SGCZ: variants seen among roughly 807,000 people sequenced by gnomAD.
SGCZ encodes sarcoglycan zeta.
SGCZ carries 40 observed loss-of-function variants against 41.3 expected under a neutral mutation model. That is an observed-to-expected ratio of 0.97 (90% CI 0.75 to 1.26). The LOEUF (loss-of-function observed/expected upper bound fraction) is 1.26, where lower values mean the gene tolerates loss of function less well. Among genes scored for constraint, SGCZ ranks in the 50% most tolerant of loss-of-function variants. The pLI, the probability that SGCZ is intolerant of heterozygous loss-of-function variation, is 0.00. For synonymous variants in SGCZ, 206 were observed against 137.5 expected (o/e 1.50, Z -3.49); for missense variants, 552 against 369.8 (o/e 1.49, Z -4.04).
At chr8:14,757,744 G>A (rs1799724976) in intron 1 of SGCZ, among the ~76,000 whole-genome samples, 1 of 152,108 alleles carries the variant, frequency 6.6e-6, no homozygotes, top group South Asian at 2.1e-4. Context: ...ATATTACTTT[G>A]TTAATAAACC....
chr8:14,572,494 C>A (rs997868068), intron 1 of SGCZ, among the ~76,000 whole-genome samples: 1 of 143,302 alleles, frequency 7.0e-6, no homozygotes, highest in Middle Eastern at 3.8e-3. Context: ...CCTCACCGAA[C>A]CCAGAGAGGG....
rs561269633 is a variant in SGCZ at position 14,588,193 on chromosome 8, C to T, written c.40-33267G>A. Reference sequence around the variant, plus strand: ...ATTTTTCAGGAATAGCCATTGATTACCCAGAAGAAAAAAAAAAAAACTGCC... The same window carrying T: ...ATTTTTCAGGAATAGCCATTGATTATCCAGAAGAAAAAAAAAAAAACTGCC... On this transcript the variant is annotated intron_variant, in intron 1 of 7. Transcript: ENST00000382080. Among the ~76,000 whole-genome samples the T allele has an allele frequency of 2.8e-4, 13 of 47,002 alleles. No individual in the cohort carries two copies. The East Asian group carries it at 6.9e-3, about 25-fold the overall frequency. 30.8% of individuals were successfully genotyped at this position (47,002 alleles called of 152,430 possible).
intron 2 of SGCZ, among the ~76,000 whole-genome samples, chr8:14,424,503 A>C (rs1470467603): frequency 6.6e-6 from 1 of 152,214 alleles, no homozygotes; most frequent in Non-Finnish European, 1.5e-5. Flanking sequence ...AGTATATTGC[A>C]AAATATACAC....
intron 5 of SGCZ, among the ~76,000 whole-genome samples, chr8:14,151,142 T>C (rs1803696496): frequency 6.6e-6 from 1 of 152,028 alleles, no homozygotes; most frequent in Admixed American, 6.6e-5. Flanking sequence ...CAATAATAAC[T>C]TAATTGCACA....
chr8:14,385,099 T>C (rs1279305482), intron 2 of SGCZ, among the ~76,000 whole-genome samples: 5 of 152,156 alleles, frequency 3.3e-5, no homozygotes, highest in Non-Finnish European at 4.4e-5. Flanking sequence ...CAACTGTGTG[T>C]AGGAATTGGG....
At chr8:14,608,856 CA>C (rs199574451) in intron 1 of SGCZ, among the ~76,000 whole-genome samples, 4 of 151,304 alleles carry the variant, frequency 2.6e-5, no homozygotes, top group African/African-American at 4.8e-5. Context: ...AAAAAAATGA[CA>C]AAAAAAAGGT....
At chr8:14,879,759 T>TA (rs1024399311) in intron 1 of SGCZ, 1 of 152,018 alleles carries the variant, frequency 6.6e-6, no homozygotes, top group African/African-American at 2.4e-5. Flanking sequence ...AGCCACCAGT[T>TA]AGATTCTCAC....
intron 1 of SGCZ, among the ~76,000 whole-genome samples, chr8:14,957,540 A>G (rs1031884624): frequency 1.3e-5 from 2 of 152,048 alleles, no homozygotes; most frequent in Non-Finnish European, 2.9e-5. Context: ...GAATTTTACA[A>G]ATCATTCACA....
At chr8:14,440,581 C>A (rs968092832) in intron 2 of SGCZ, among the ~76,000 whole-genome samples, 3 of 151,792 alleles carry the variant, frequency 2.0e-5, no homozygotes. Context: ...TCATAAGTCA[C>A]CTATGTGTAA....
At chr8:15,185,898 G>C (rs779387240) in intron 1 of SGCZ, among the ~76,000 whole-genome samples, 1 of 151,680 alleles carries the variant, frequency 6.6e-6, no homozygotes. Flanking sequence ...TTAAAGCAAA[G>C]TCCAAAATAA....
intron 1 of SGCZ, among the ~76,000 whole-genome samples, chr8:14,640,666 GTGTGTGTA>G (rs949324619): frequency 7.9e-5 from 12 of 151,150 alleles, no homozygotes; most frequent in African/African-American, 2.7e-4. Context: ...GTGTGTGTGT[GTGTGTGTA>G]TATATTTGCT....
chr8:14,399,074 C>G (rs1209284128), intron 2 of SGCZ, among the ~76,000 whole-genome samples: 1 of 152,012 alleles, frequency 6.6e-6, no homozygotes, highest in Non-Finnish European at 1.5e-5. Flanking sequence ...AGTTCAGAAA[C>G]CAAACGTGAT....
chr8:14,106,060 C>T (rs17118656), intron 6 of SGCZ, among the ~76,000 whole-genome samples: 1 of 152,152 alleles, frequency 6.6e-6, no homozygotes, highest in Non-Finnish European at 1.5e-5. Flanking sequence ...TTTGTAATAA[C>T]TGCAGCCACT....
intron 2 of SGCZ, among the ~76,000 whole-genome samples, chr8:14,452,897 G>C (rs1451983067): frequency 6.6e-6 from 1 of 152,072 alleles, no homozygotes; most frequent in Non-Finnish European, 1.5e-5. Context: ...GAGATCAGGA[G>C]TTTGAGACCA....
At chr8:14,235,924 C>G (rs1366641370) in intron 4 of SGCZ, among the ~76,000 whole-genome samples, 4 of 152,134 alleles carry the variant, frequency 2.6e-5, no homozygotes, top group Non-Finnish European at 4.4e-5. Flanking sequence ...ACCTCATGAT[C>G]CGCCCGCCTT....
At chr8:14,738,801 C>T (rs1799120817) in intron 1 of SGCZ, among the ~76,000 whole-genome samples, 1 of 151,994 alleles carries the variant, frequency 6.6e-6, no homozygotes. Flanking sequence ...GATATTGTTC[C>T]TGTGAGTCTG....
chr8:14,959,529 C>T (rs1010508065), intron 1 of SGCZ, among the ~76,000 whole-genome samples: 5 of 152,074 alleles, frequency 3.3e-5, no homozygotes, highest in African/African-American at 1.2e-4. Flanking sequence ...TACAAAACAG[C>T]TGAATGAATC....
chr8:14,861,669 T>G (rs1803751020), intron 1 of SGCZ, among the ~76,000 whole-genome samples: 1 of 152,126 alleles, frequency 6.6e-6, no homozygotes, highest in South Asian at 2.1e-4. Flanking sequence ...TTTTAGAAAC[T>G]TTAATAGCAA....
intron 1 of SGCZ, among the ~76,000 whole-genome samples, chr8:14,608,451 C>G (rs187374684): frequency 6.6e-6 from 1 of 150,396 alleles, no homozygotes; most frequent in Non-Finnish European, 1.5e-5. Context: ...GGCGGGGAGG[C>G]GGGGGGCAGA....
Sources: gnomAD v4.1 joint callset for allele counts (sites outside exome capture counted in the v4.1 genomes callset) on GRCh38, gnomAD v4.1.1 for gene constraint, MANE v1.5 for transcripts, NCBI Gene and HGNC (gene_info 2026-07-23, HGNC 2026-07-21) for gene names.